The following SPIDR variants were observed in gnomAD, a reference collection of about 807,000 sequenced individuals.
The protein encoded by SPIDR is scaffold protein involved in DNA repair.
In SPIDR, 93 loss-of-function variants were observed where a neutral mutation model predicts 104.6. That is an observed-to-expected ratio of 0.89 (90% CI 0.75 to 1.06). SPIDR has a LOEUF of 1.06. Ranked by LOEUF, SPIDR falls within the 50% of genes least tolerant of loss-of-function variation. SPIDR has a pLI of 0.00. For missense variants in SPIDR, 1,154 were observed against 1,111.2 expected, an observed-to-expected ratio of 1.04 and a Z score of -0.55; for synonymous variants, 431 against 416.9, an observed-to-expected ratio of 1.03 and a Z score of -0.41.
intron 8 of SPIDR, among the ~76,000 whole-genome samples, chr8:47,501,887 C>T (rs200958917): frequency 9.9e-5 from 15 of 152,034 alleles, no homozygotes; most frequent in Non-Finnish European, 1.6e-4. Context: ...CCTTTTCTGC[C>T]TCTATTCAGA....
chr8:47,627,087 A>C (rs2066266617), intron 10 of SPIDR, among the ~76,000 whole-genome samples: 1 of 152,198 alleles, frequency 6.6e-6, no homozygotes, highest in East Asian at 1.9e-4. Flanking sequence ...CGTCCTTTGT[A>C]GGGACATGGA....
intron 7 of SPIDR, among the ~76,000 whole-genome samples, chr8:47,430,048 CT>C (rs1471336663): frequency 6.6e-6 from 1 of 152,096 alleles, no homozygotes; most frequent in Non-Finnish European, 1.5e-5. Context: ...TCTCAGAGTG[CT>C]TTTTACTTTG....
chr8:47,596,512 A>G (rs1366835898), intron 9 of SPIDR, among the ~76,000 whole-genome samples: 1 of 152,184 alleles, frequency 6.6e-6, no homozygotes, highest in African/African-American at 2.4e-5. Context: ...AAAATGGTGC[A>G]CCTGTATAGG....
intron 5 of SPIDR, among the ~76,000 whole-genome samples, chr8:47,322,818 C>T (rs1188026716): frequency 1.3e-5 from 2 of 152,048 alleles, no homozygotes; most frequent in Non-Finnish European, 2.9e-5. Flanking sequence ...AACCATCATT[C>T]TCAGCAAACT....
In SPIDR at chr8:47,692,487, CTT is replaced by C. The variant is rs1171012398; in HGVS notation, c.1686-7894_1686-7893del. 1.3e-4 allele frequency among the ~76,000 whole-genome samples: 15 copies of C among 119,282 alleles called. No homozygotes were observed. The East Asian group carries it at 1.9e-3, about 15-fold the overall frequency. 78.3% of individuals were successfully genotyped at this position (119,282 alleles called of 152,430 possible). ...ATGATGTAACATGTATCAGAATTTC[CTT>C]TTTTTTTTTTTTTTTTTTTTTCTTT... is the stretch of plus-strand genomic sequence containing the variant. On this transcript the variant is annotated intron_variant, in intron 11 of 19. Transcript: ENST00000297423.
At chr8:47,346,547 A>T (rs1223981854) in intron 5 of SPIDR, among the ~76,000 whole-genome samples, 1 of 152,196 alleles carries the variant, frequency 6.6e-6, no homozygotes, top group Middle Eastern at 3.2e-3. Context: ...GAATGGTGCC[A>T]GCTCCTCTTT....
At chr8:47,731,123 G>A (rs756446271) in intron 19 of SPIDR, among the ~76,000 whole-genome samples, 21 of 152,076 alleles carry the variant, frequency 1.4e-4, no homozygotes, top group Admixed American at 2.6e-4. Flanking sequence ...GGGTGTGGTG[G>A]TGCGCATCTG....
intron 19 of SPIDR, chr8:47,731,991 C>A (rs2085325290): frequency 1.7e-6 from 1 of 604,980 alleles, no homozygotes; most frequent in Non-Finnish European, 2.9e-6. Flanking sequence ...TGGCACACAG[C>A]TCTCCAGCTG....
chr8:47,281,998 ATCTCCTTGTACT>A (rs1198865395), intron 2 of SPIDR, among the ~76,000 whole-genome samples: 1 of 152,240 alleles, frequency 6.6e-6, no homozygotes, highest in East Asian at 1.9e-4. Context: ...AACAGCATTC[ATCTCCTTGTACT>A]TCTCCATCAT....
At chr8:47,681,597 T>G (rs1266768050) in intron 11 of SPIDR, among the ~76,000 whole-genome samples, 3 of 152,194 alleles carry the variant, frequency 2.0e-5, no homozygotes, top group Admixed American at 6.5e-5. Context: ...AGGAAACATA[T>G]TTTTTAAATC....
intron 8 of SPIDR, among the ~76,000 whole-genome samples, chr8:47,578,255 G>A (rs1020627205): frequency 6.6e-5 from 10 of 152,118 alleles, no homozygotes; most frequent in African/African-American, 1.9e-4. Context: ...GGCAGATCAC[G>A]AGGTCAGGAG....
At chr8:47,334,092 A>G (rs1362314418) in intron 5 of SPIDR, among the ~76,000 whole-genome samples, 2 of 152,188 alleles carry the variant, frequency 1.3e-5, no homozygotes, top group Non-Finnish European at 2.9e-5. Flanking sequence ...GGGATGTTCC[A>G]TGTATCTTTC....
intron 7 of SPIDR, among the ~76,000 whole-genome samples, chr8:47,409,260 T>C (rs1554669521): frequency 1.3e-5 from 2 of 151,912 alleles, no homozygotes; most frequent in East Asian, 3.9e-4. Context: ...CTCTGAAAAC[T>C]GACTTTTTTT....
intron 8 of SPIDR, among the ~76,000 whole-genome samples, chr8:47,473,990 C>T (rs1304867967): frequency 6.6e-6 from 1 of 152,144 alleles, no homozygotes; most frequent in Non-Finnish European, 1.5e-5. Flanking sequence ...AACAATAGTG[C>T]TTTCTTGCTA....
intron 8 of SPIDR, among the ~76,000 whole-genome samples, chr8:47,489,744 A>G (rs1218229278): frequency 6.6e-6 from 1 of 152,214 alleles, no homozygotes; most frequent in Admixed American, 6.5e-5. Context: ...AAAAACAAGC[A>G]ATGGGGAAAG....
At chr8:47,593,871 G>A (rs1247914601) in intron 8 of SPIDR, among the ~76,000 whole-genome samples, 1 of 152,136 alleles carries the variant, frequency 6.6e-6, no homozygotes. Flanking sequence ...TCTGCTGAGG[G>A]GTAGGAGGGA....
intron 5 of SPIDR, among the ~76,000 whole-genome samples, chr8:47,372,495 G>A (rs1677104476): frequency 2.0e-5 from 3 of 152,084 alleles, no homozygotes; most frequent in Admixed American, 1.3e-4. Flanking sequence ...GTGTGGTGGT[G>A]CATGCCTGTA....
At chr8:47,446,480 C>T (rs10808752) in intron 8 of SPIDR, among the ~76,000 whole-genome samples, 75,762 of 151,976 alleles carry the variant, frequency 0.5, 22,467 homozygotes, top group Non-Finnish European at 0.66. Flanking sequence ...AGATGAACGT[C>T]GTTTTCATGA....
rs2047171967 is a variant in SPIDR at position 47,323,617 on chromosome 8, T to G, written c.525+29587T>G. On this transcript the variant is annotated intron_variant, in intron 5 of 19. Transcript: ENST00000297423. Reference sequence around the variant, plus strand: ...TTAACTTTTTTTTAGATCCAATTGGTTTGTCTGTTAAATGCCTTCAGTAAC... The same window carrying G: ...TTAACTTTTTTTTAGATCCAATTGGGTTGTCTGTTAAATGCCTTCAGTAAC... Among the ~76,000 whole-genome samples, 3 of 152,110 alleles carry G rather than the reference T, an allele frequency of 2.0e-5. No homozygotes were observed. The South Asian group carries it at 6.2e-4, about 31-fold the overall frequency.
Sources: gnomAD v4.1 joint callset for allele counts (sites outside exome capture counted in the v4.1 genomes callset) on GRCh38, gnomAD v4.1.1 for gene constraint, MANE v1.5 for transcripts, NCBI Gene and HGNC (gene_info 2026-07-23, HGNC 2026-07-21) for gene names.